Variants in DNAH7 observed in about 807,000 individuals in gnomAD.
The protein encoded by DNAH7 is axonemal beta dynein heavy chain 7.
A neutral mutation model predicts 444.6 loss-of-function variants in DNAH7; 397 were observed. That is an observed-to-expected ratio of 0.89 (90% confidence interval 0.82 to 0.97). DNAH7 has a LOEUF of 0.97. Ranked by LOEUF, DNAH7 falls within the 50% of genes least tolerant of loss-of-function variation. The pLI, the probability that DNAH7 is intolerant of heterozygous loss-of-function variation, is 0.00. For synonymous variants in DNAH7, 1,636 were observed against 1,624.4 expected, an observed-to-expected ratio of 1.01 and a Z score of -0.17; for missense variants, 4,902 against 4,800.8, an observed-to-expected ratio of 1.02 and a Z score of -0.62.
In DNAH7 at chr2:195,834,196, A is replaced by C. The variant is rs997925475; in HGVS notation, c.9100+10T>G. On this transcript the variant is annotated intron_variant, in intron 48 of 64. Transcript: ENST00000312428. ...GTTCTGTAATGTATCTTAGTTATTC[A>C]ACTACATACCAGGAGTACCAAACTG... 1.3e-6 allele frequency: 2 copies of C among 1,598,516 alleles called. No homozygotes were observed. Among genetic ancestry groups the C allele is most frequent in the African/African-American group, 2.7e-5 (2 of 74,632 alleles).
rs750876068 is a variant in DNAH7 at position 195,922,041 on chromosome 2, GGTGA to G, written c.3935+43_3935+46del. 3.8e-6 allele frequency: 4 copies of G among 1,060,612 alleles called. No homozygotes were observed. In the Admixed American group the frequency reaches 6.9e-5, roughly 18 times the overall value. 65.7% of individuals were successfully genotyped at this position (1,060,612 alleles called of 1,614,324 possible). On this transcript the variant is annotated intron_variant, in intron 24 of 64. Transcript: ENST00000312428. The stretch of plus-strand genomic sequence containing the variant: ...TTTTTAAATAAATCAGTGGTACAGG[GGTGA>G]GTGAAAGTTATTTCCAATAGATCCT...
At chr2:195,858,950 T>A in intron 42 of DNAH7, 146 bp from the exon 43 acceptor site, 1 of 655,628 alleles carries the variant, frequency 1.5e-6, no homozygotes, top group South Asian at 2.2e-5. Context: ...TGACAATCTG[T>A]CAAAACATGA....
At chr2:195,896,491 A>G (rs994685370) in intron 29 of DNAH7, among the ~76,000 whole-genome samples, 1 of 152,100 alleles carries the variant, frequency 6.6e-6, no homozygotes, top group African/African-American at 2.4e-5. Flanking sequence ...GAGGTTTTAC[A>G]TTTAGTTTCA....
intron 17 of DNAH7, among the ~76,000 whole-genome samples, chr2:195,969,561 C>G (rs1195461365): frequency 6.6e-6 from 1 of 152,136 alleles, no homozygotes; most frequent in Non-Finnish European, 1.5e-5. Flanking sequence ...ACCACTAAAT[C>G]TAAGCTGTCC....
intron 21 of DNAH7, among the ~76,000 whole-genome samples, chr2:195,932,373 G>A (rs7563510): frequency 0.28 from 42,364 of 152,104 alleles, 8,829 homozygotes; most frequent in African/African-American, 0.59. Context: ...AGCAGAGACA[G>A]TTTGACTTCC....
chr2:195,978,635 A>T (rs1292851858), intron 15 of DNAH7, among the ~76,000 whole-genome samples: 26 of 152,200 alleles, frequency 1.7e-4, no homozygotes, highest in Admixed American at 1.7e-3. Context: ...AGCCTTGCTG[A>T]ATGGATAACA....
At chr2:195,841,762 G>GA in intron 47 of DNAH7, among the ~76,000 whole-genome samples, 1 of 151,700 alleles carries the variant, frequency 6.6e-6, no homozygotes, top group East Asian at 1.9e-4. Flanking sequence ...AATCTACAAA[G>GA]GCTTTAAAAT....
chr2:195,897,934 A>G (rs1702427563), intron 28 of DNAH7, among the ~76,000 whole-genome samples, 169 bp from the exon 29 acceptor site: 1 of 151,926 alleles, frequency 6.6e-6, no homozygotes, highest in African/African-American at 2.4e-5. Context: ...TGACATTTAA[A>G]CTTGTTGTGT....
At chr2:195,980,040 A>G (rs903486015) in intron 15 of DNAH7, among the ~76,000 whole-genome samples, 15 of 137,768 alleles carry the variant, frequency 1.1e-4, no homozygotes, top group African/African-American at 4.3e-4. Flanking sequence ...ATTCTACCAA[A>G]CCTTCCTACT....
At chr2:195,773,807 C>A (rs1694947863) in intron 60 of DNAH7, among the ~76,000 whole-genome samples, 1 of 152,176 alleles carries the variant, frequency 6.6e-6, no homozygotes. Flanking sequence ...TTTTTCTATT[C>A]TAAATAGTGT....
intron 48 of DNAH7, among the ~76,000 whole-genome samples, chr2:195,831,741 A>G (rs1698081695): frequency 6.6e-6 from 1 of 152,246 alleles, no homozygotes; most frequent in Non-Finnish European, 1.5e-5. Flanking sequence ...TAAGCACCAG[A>G]CAAAGACAGA....
intron 39 of DNAH7, among the ~76,000 whole-genome samples, chr2:195,872,888 A>G (rs1408727665): frequency 6.6e-6 from 1 of 152,204 alleles, no homozygotes; most frequent in Non-Finnish European, 1.5e-5. Context: ...TTTCAGAGGA[A>G]AAAAAGGAAG....
rs78832367 is a variant in DNAH7 at position 195,930,944 on chromosome 2, G to A, written c.3471+3647C>T. On this transcript the variant is annotated intron_variant, in intron 21 of 64. Coordinates refer to ENST00000312428, the MANE Select transcript of DNAH7 (RefSeq NM_018897.3). ...AGGAACAGAAAATCAAATACCACAC[G>A]TTCCCACTTACAAGTAAGTGGAAAC... Among the ~76,000 whole-genome samples, 2,970 of 152,048 alleles carry A rather than the reference G, an allele frequency of 0.02. 249 individuals carry two copies. In the East Asian group the frequency reaches 0.27, roughly 14 times the overall value.
intron 46 of DNAH7, among the ~76,000 whole-genome samples, chr2:195,852,700 A>T (rs1413622148): frequency 2.0e-5 from 3 of 152,158 alleles, no homozygotes; most frequent in African/African-American, 7.2e-5. Flanking sequence ...TCCGCCAGGG[A>T]GAAGAAAGAG....
intron 15 of DNAH7, among the ~76,000 whole-genome samples, chr2:195,982,172 T>C (rs886149634): frequency 6.6e-6 from 1 of 152,030 alleles, no homozygotes; most frequent in African/African-American, 2.4e-5. Flanking sequence ...GTGGGCAAAT[T>C]ATCTGAATAG....
intron 47 of DNAH7, among the ~76,000 whole-genome samples, chr2:195,839,814 G>A (rs1698574309): frequency 6.6e-6 from 1 of 151,696 alleles, no homozygotes; most frequent in African/African-American, 2.4e-5. Context: ...ACTCACTTAG[G>A]AAGAAATAGA....
At position 195,881,974 on chromosome 2, in the gene DNAH7, G is replaced by T; in HGVS notation, c.5782C>A (p.Pro1928Thr). The T allele has an allele frequency of 6.2e-7, 1 of 1,613,466 alleles. No individual in the cohort carries two copies. The highest frequency in any genetic ancestry group is 1.3e-5 in the African/African-American group (1 of 74,976). Residue 1928 changes from proline to threonine, a missense_variant, in exon 36 of 65, where the codon CCA (proline) becomes ACA (threonine). Pro to Thr is a conservative substitution (Grantham distance 38, BLOSUM62 -1). Coordinates refer to ENST00000312428, the MANE Select transcript of DNAH7 (RefSeq NM_018897.3). Reference protein sequence around the residue: ...FVTEGIGKWEPWIKKLKEAPP... With the variant: ...FVTEGIGKWETWIKKLKEAPP... ...GCTTCTTTCAATTTCTTTATCCATG[G>T]TTCCCATTTTCCTATTCCCTGTTTA...
chr2:195,822,018 C>T (rs1038022765), intron 49 of DNAH7, among the ~76,000 whole-genome samples: 2 of 152,178 alleles, frequency 1.3e-5, no homozygotes, highest in Non-Finnish European at 2.9e-5. Context: ...ACTTTTCCCC[C>T]ACTTGTCCCA....
chr2:195,782,012 C>CACACAG (rs879921630), intron 58 of DNAH7, among the ~76,000 whole-genome samples: 1 of 149,936 alleles, frequency 6.7e-6, no homozygotes, highest in South Asian at 2.1e-4. Context: ...CACACACACA[C>CACACAG]ACACAGACAC....
Sources: gnomAD v4.1 joint callset for allele counts (sites outside exome capture counted in the v4.1 genomes callset) on GRCh38, gnomAD v4.1.1 for gene constraint, MANE v1.5 for transcripts, NCBI Gene and HGNC (gene_info 2026-07-23, HGNC 2026-07-21) for gene names.